CDH18: variants seen among roughly 807,000 people sequenced by gnomAD.
CDH18 encodes cadherin 18.
CDH18 carries 31 observed loss-of-function variants against 67.9 expected under a neutral mutation model. The observed-to-expected ratio is 0.46, with a 90% CI of 0.34 to 0.62. The LOEUF is 0.62. Ranked by LOEUF, CDH18 falls within the 20% of genes least tolerant of loss-of-function variation. The pLI, the probability that CDH18 is intolerant of heterozygous loss-of-function variation, is 0.01. For synonymous variants in CDH18, 362 were observed against 347.2 expected (o/e 1.04, Z -0.48); for missense variants, 890 against 975.5 (o/e 0.91, Z 1.17).
Position 19,994,845 on chromosome 5 carries a change from T to TAGAGAGAG in CDH18, c.-517-2832_-517-2831insCTCTCTCT, listed in dbSNP as rs1216282321. On this transcript the variant is annotated intron_variant, in intron 2 of 14. Coordinates refer to the CDH18 transcript ENST00000507958. Reference sequence around the variant, plus strand: ...TATAAAGAGAATATATATATATATATATATATATATAGAGAGAGAGAGAGA... The same window carrying TAGAGAGAG: ...TATAAAGAGAATATATATATATATATAGAGAGAGATATATATATAGAGAGAGAGAGAGA... Among the ~76,000 whole-genome samples the TAGAGAGAG allele has an allele frequency of 5.0e-4, 16 of 31,742 alleles. 1 individual carries two copies. Among genetic ancestry groups the TAGAGAGAG allele is most frequent in the Admixed American group, 9.9e-4 (2 of 2,022 alleles). 20.8% of individuals were successfully genotyped at this position (31,742 alleles called of 152,430 possible).
intron 2 of CDH18, among the ~76,000 whole-genome samples, chr5:20,251,304 T>G (rs186191776): frequency 1.2e-3 from 180 of 152,224 alleles, no homozygotes; most frequent in African/African-American, 4.1e-3. Context: ...TTGATGCAAT[T>G]TTTTTCACAA....
chr5:19,789,546 GACAAA>G (rs1423645423), intron 3 of CDH18, among the ~76,000 whole-genome samples: 1 of 152,026 alleles, frequency 6.6e-6, no homozygotes, highest in East Asian at 1.9e-4. Flanking sequence ...ACATCTTATA[GACAAA>G]ACAAAATAAA....
At chr5:20,120,731 T>C (rs1252471060) in intron 2 of CDH18, among the ~76,000 whole-genome samples, 3 of 152,150 alleles carry the variant, frequency 2.0e-5, no homozygotes, top group African/African-American at 7.2e-5. Context: ...TCTTAAATTG[T>C]TTTGAAAAAA....
chr5:20,411,303 C>T (rs188734498), intron 1 of CDH18, among the ~76,000 whole-genome samples: 35 of 152,088 alleles, frequency 2.3e-4, no homozygotes, highest in Middle Eastern at 3.4e-3. Flanking sequence ...TTCCCACACA[C>T]GGTCAGCTGT....
intron 1 of CDH18, among the ~76,000 whole-genome samples, chr5:20,350,739 G>T (rs1741099308): frequency 6.6e-6 from 1 of 152,082 alleles, no homozygotes; most frequent in African/African-American, 2.4e-5. Context: ...AACTGTGACA[G>T]TGAATAAGAT....
At chr5:20,088,968 C>A (rs552167908) in intron 2 of CDH18, among the ~76,000 whole-genome samples, 1 of 151,944 alleles carries the variant, frequency 6.6e-6, no homozygotes, top group African/African-American at 2.4e-5. Flanking sequence ...ATTTGGGACC[C>A]CTCCTGGTTT....
chr5:19,627,426 C>CT, intron 5 of CDH18, among the ~76,000 whole-genome samples: 1 of 152,252 alleles, frequency 6.6e-6, no homozygotes, highest in African/African-American at 2.4e-5. Context: ...TGAGCAACTT[C>CT]TTTGCTGAAT....
rs187707703 is a variant in CDH18, at chr5:20,434,633, A to G, written c.-580+140829T>C. Among the ~76,000 whole-genome samples, 1,073 of 152,118 alleles carry G rather than the reference A, an allele frequency of 7.1e-3. 1 individual carries two copies. The highest frequency in any genetic ancestry group is 0.024 in the Middle Eastern group (7 of 294). On this transcript the variant is annotated intron_variant, in intron 1 of 14. Coordinates refer to the CDH18 transcript ENST00000507958. ...TTTGGAACTGTCAAAACAACTAAAA[A>G]TATATATTTTATATTCTATTTCTTA...
At chr5:19,604,311 C>T (rs889677073) in intron 6 of CDH18, among the ~76,000 whole-genome samples, 1 of 151,996 alleles carries the variant, frequency 6.6e-6, no homozygotes, top group African/African-American at 2.4e-5. Flanking sequence ...TTAATCATTA[C>T]ATTTGTTAGA....
chr5:19,697,663 T>C (rs561971580), intron 5 of CDH18, among the ~76,000 whole-genome samples: 2 of 152,106 alleles, frequency 1.3e-5, no homozygotes, highest in African/African-American at 4.8e-5. Context: ...AGGAAGAAAA[T>C]ATGAGAAGGA....
rs558309853 is a variant in CDH18 at position 19,883,910 on chromosome 5, C to G, written c.-256-44668G>C. On this transcript the variant is annotated intron_variant, in intron 2 of 12. Coordinates refer to ENST00000382275, the MANE Select transcript of CDH18 (RefSeq NM_004934.5). The stretch of plus-strand genomic sequence containing the variant: ...AATATTAAACTATTATTCATGTCAT[C>G]TTCGTTTAAATTATATTTTACTTTC... Among the ~76,000 whole-genome samples the G allele has an allele frequency of 1.1e-3, 173 of 152,066 alleles. 1 individual carries two copies. Among genetic ancestry groups the G allele is most frequent in the African/African-American group, 4.1e-3 (169 of 41,512 alleles).
intron 1 of CDH18, among the ~76,000 whole-genome samples, chr5:20,384,635 T>C (rs1744172600): frequency 6.6e-6 from 1 of 152,104 alleles, no homozygotes; most frequent in South Asian, 2.1e-4. Context: ...AAAGTTTTAT[T>C]CTCAATTTTT....
At chr5:20,381,615 G>C (rs1035987517) in intron 1 of CDH18, among the ~76,000 whole-genome samples, 1 of 152,076 alleles carries the variant, frequency 6.6e-6, no homozygotes, top group African/African-American at 2.4e-5. Context: ...CCTTTTCAAT[G>C]ATGTGTGCTC....
At chr5:20,142,948 AGCAGAGT>A (rs1750361309) in intron 2 of CDH18, among the ~76,000 whole-genome samples, 1 of 152,232 alleles carries the variant, frequency 6.6e-6, no homozygotes, top group Admixed American at 6.5e-5. Context: ...GAAACTGAGA[AGCAGAGT>A]GCAGCTGTAA....
chr5:19,498,693 CTAACTT>C (rs200721907), intron 11 of CDH18, among the ~76,000 whole-genome samples: 1,689 of 152,278 alleles, frequency 0.011, 18 homozygotes, highest in South Asian at 0.031. Flanking sequence ...CCAGACAACT[CTAACTT>C]TAATTTCCAC....
chr5:19,836,658 G>C (rs1430883852), intron 3 of CDH18, among the ~76,000 whole-genome samples: 1 of 151,828 alleles, frequency 6.6e-6, no homozygotes, highest in African/African-American at 2.4e-5. Context: ...GCTGTGCAGA[G>C]GCTCTTTACT....
chr5:19,524,831 C>T (rs1020452758), intron 9 of CDH18, among the ~76,000 whole-genome samples: 1 of 152,044 alleles, frequency 6.6e-6, no homozygotes, highest in Non-Finnish European at 1.5e-5. Context: ...CTACAAGCTC[C>T]GCCTCCCGGG....
At chr5:20,103,569 CAAA>C (rs139801417) in intron 2 of CDH18, among the ~76,000 whole-genome samples, 1 of 102,120 alleles carries the variant, frequency 9.8e-6, no homozygotes, top group Non-Finnish European at 1.9e-5. Context: ...ACTAAAAATA[CAAA>C]AAAAAAAAAA....
intron 3 of CDH18, among the ~76,000 whole-genome samples, chr5:19,771,416 C>A (rs867464324): frequency 6.6e-6 from 1 of 152,190 alleles, no homozygotes; most frequent in Non-Finnish European, 1.5e-5. Flanking sequence ...GAGAGGCTCA[C>A]GTGGCAAGAA....
Sources: allele counts gnomAD v4.1 joint callset (sites outside exome capture counted in the v4.1 genomes callset), GRCh38; gene constraint gnomAD v4.1.1; transcripts MANE v1.5; gene names NCBI Gene and HGNC (gene_info 2026-07-23, HGNC 2026-07-21).